Variants in PKN2 observed in about 807,000 individuals in gnomAD.
PKN2 encodes the protein serine/threonine-protein kinase N2.
PKN2 carries 38 observed loss-of-function variants against 119.1 expected under a neutral mutation model. The ratio of observed to expected loss-of-function variants is 0.32; its 90% CI spans 0.25 to 0.42. The LOEUF (loss-of-function observed/expected upper bound fraction) is 0.42. PKN2 is among the 10% of genes least tolerant of loss of function. The pLI is 1.00. For missense variants in PKN2, 850 were observed against 1,165.1 expected, an observed-to-expected ratio of 0.73 and a Z score of 3.94; for synonymous variants, 390 against 384.9, an observed-to-expected ratio of 1.01 and a Z score of -0.15.
chr1:88,807,933 TC>T (rs1185767051), intron 15 of PKN2, among the ~76,000 whole-genome samples, 158 bp downstream of exon 15: 1 of 152,184 alleles, frequency 6.6e-6, no homozygotes, highest in African/African-American at 2.4e-5. Flanking sequence ...CATTAGTTTT[TC>T]TTTTTTGCCC....
intron 1 of PKN2, among the ~76,000 whole-genome samples, chr1:88,733,302 G>A (rs305221): frequency 0.59 from 89,947 of 151,922 alleles, 26,785 homozygotes; most frequent in Middle Eastern, 0.82. Context: ...ATTCCCACCA[G>A]CAGTGTATAA....
chr1:88,696,556 T>A (rs551744934), intron 1 of PKN2, among the ~76,000 whole-genome samples: 1 of 152,328 alleles, frequency 6.6e-6, no homozygotes, highest in East Asian at 1.9e-4. Flanking sequence ...AGACCACAGC[T>A]GACTGACTGA....
chr1:88,778,399 T>G (rs1393762672), intron 6 of PKN2, among the ~76,000 whole-genome samples: 2 of 152,246 alleles, frequency 1.3e-5, no homozygotes, highest in Admixed American at 1.3e-4. Flanking sequence ...CCAGACACTT[T>G]ACAACTCTGC....
intron 1 of PKN2, among the ~76,000 whole-genome samples, chr1:88,712,862 G>A (rs1275658727): frequency 6.6e-6 from 1 of 152,104 alleles, no homozygotes; most frequent in African/African-American, 2.4e-5. Flanking sequence ...TGCCATGTTG[G>A]TGTGCTGCAC....
intron 2 of PKN2, among the ~76,000 whole-genome samples, chr1:88,742,023 A>G (rs1325215366): frequency 6.6e-6 from 1 of 152,114 alleles, no homozygotes; most frequent in Non-Finnish European, 1.5e-5. Flanking sequence ...CAGATAAAAA[A>G]TTCTATATTT....
chr1:88,695,928 G>A (rs565203681), intron 1 of PKN2, among the ~76,000 whole-genome samples: 14 of 151,894 alleles, frequency 9.2e-5, no homozygotes, highest in African/African-American at 3.1e-4. Flanking sequence ...CTTGTCTACC[G>A]TTTATTTAGC....
intron 19 of PKN2, among the ~76,000 whole-genome samples, chr1:88,831,997 T>C (rs149820282): frequency 6.1e-4 from 93 of 152,162 alleles, no homozygotes; most frequent in Middle Eastern, 3.4e-3. Flanking sequence ...TACTTTTTTA[T>C]GTCTCAGGGT....
chr1:88,726,585 G>C (rs1046872381), intron 1 of PKN2, among the ~76,000 whole-genome samples: 1 of 152,022 alleles, frequency 6.6e-6, no homozygotes, highest in Non-Finnish European at 1.5e-5. Flanking sequence ...AGTATATTTT[G>C]TTGAGGATTA....
intron 8 of PKN2, among the ~76,000 whole-genome samples, chr1:88,798,435 T>G (rs1288337615): frequency 6.6e-6 from 1 of 151,958 alleles, no homozygotes; most frequent in East Asian, 1.9e-4. Context: ...CAAATAATTA[T>G]GGGGGAAACG....
rs35424856 is a variant in PKN2 at position 88,723,410 on chromosome 1, G to GCCC, written c.49-17570_49-17568dup. Reference sequence around the variant, plus strand: ...TTACAGGTGTAAGCCACCGTGCCCTGCCCCCCCCCCTTTTATTTATTTGTT... The same window carrying GCCC: ...TTACAGGTGTAAGCCACCGTGCCCTGCCCCCCCCCCCCCTTTTATTTATTTGTT... On this transcript the variant is annotated intron_variant, in intron 1 of 21. Transcript: ENST00000370521. Among the ~76,000 whole-genome samples, 814 of 125,094 alleles carry GCCC rather than the reference G, an allele frequency of 6.5e-3. 8 individuals carry two copies. Among genetic ancestry groups the GCCC allele is most frequent in the African/African-American group, 0.02 (666 of 32,590 alleles). The allele number at this position is 125,094 out of a possible 152,430, so 82.1% of individuals were successfully genotyped here.
At chr1:88,690,494 T>A (rs891003465) in intron 1 of PKN2, among the ~76,000 whole-genome samples, 1 of 152,210 alleles carries the variant, frequency 6.6e-6, no homozygotes, top group Admixed American at 6.5e-5. Context: ...ACTTTTGATA[T>A]ACAGCAGAGT....
intron 2 of PKN2, among the ~76,000 whole-genome samples, chr1:88,745,560 T>C (rs1182782288): frequency 2.6e-5 from 4 of 152,028 alleles, no homozygotes; most frequent in Admixed American, 2.6e-4. Flanking sequence ...GAAAGAGCTC[T>C]ATATAGAAAA....
chr1:88,719,291 C>A (rs181368446), intron 1 of PKN2, among the ~76,000 whole-genome samples: 1 of 152,274 alleles, frequency 6.6e-6, no homozygotes, highest in Non-Finnish European at 1.5e-5. Flanking sequence ...TTTATTTCCT[C>A]AGGGATGTGG....
intron 6 of PKN2, among the ~76,000 whole-genome samples, chr1:88,782,045 T>C (rs1221062890): frequency 1.3e-5 from 2 of 152,120 alleles, no homozygotes; most frequent in Admixed American, 1.3e-4. Flanking sequence ...TTTTAGTAAA[T>C]GTATATGCCT....
chr1:88,791,990 T>C (rs1013917548), intron 8 of PKN2, among the ~76,000 whole-genome samples: 2 of 152,220 alleles, frequency 1.3e-5, no homozygotes, highest in Admixed American at 6.5e-5. Context: ...TTACATGTTA[T>C]AAACTGTCTG....
chr1:88,746,920 C>T (rs1319748518), intron 2 of PKN2, among the ~76,000 whole-genome samples: 1 of 152,102 alleles, frequency 6.6e-6, no homozygotes, highest in African/African-American at 2.4e-5. Context: ...ACTATTCAGC[C>T]TTAAAGATGT....
At chr1:88,710,455 T>A (rs1667182332) in intron 1 of PKN2, among the ~76,000 whole-genome samples, 1 of 152,218 alleles carries the variant, frequency 6.6e-6, no homozygotes, top group Non-Finnish European at 1.5e-5. Context: ...TATTTGAAAT[T>A]AATGTAGCTG....
intron 2 of PKN2, among the ~76,000 whole-genome samples, chr1:88,743,576 A>G (rs1460879618): frequency 6.6e-6 from 1 of 152,164 alleles, no homozygotes; most frequent in East Asian, 1.9e-4. Flanking sequence ...TTGTCCATTC[A>G]TTGTTGCATT....
chr1:88,811,202 T>G, intron 15 of PKN2, among the ~76,000 whole-genome samples: 1 of 152,234 alleles, frequency 6.6e-6, no homozygotes, highest in East Asian at 1.9e-4. Context: ...CTCAGCTTCC[T>G]TTTCTTACCA....
Sources: gnomAD v4.1 joint callset for allele counts (sites outside exome capture counted in the v4.1 genomes callset) on GRCh38, gnomAD v4.1.1 for gene constraint, MANE v1.5 for transcripts, NCBI Gene and HGNC (gene_info 2026-07-23, HGNC 2026-07-21) for gene names.